The following HLA-DQB1 variants were observed in gnomAD, a reference collection of about 807,000 sequenced individuals.
HLA-DQB1 encodes the protein major histocompatibility complex, class II, DQ beta 1.
HLA-DQB1 carries 13 observed loss-of-function variants against 26.4 expected under a neutral mutation model. The ratio of observed to expected loss-of-function variants is 0.49; its 90% CI spans 0.32 to 0.78. HLA-DQB1 has a LOEUF of 0.78. Among genes scored for constraint, HLA-DQB1 ranks in the 30% least tolerant of loss-of-function variants. The pLI, the probability that HLA-DQB1 is intolerant of heterozygous loss-of-function variation, is 0.03. For missense variants in HLA-DQB1, 158 were observed against 326.2 expected (o/e 0.48, Z 3.97); for synonymous variants, 60 against 129.1 (o/e 0.46, Z 3.63).
At chr6:32,665,180 C>A (rs9274418) in intron 1 of HLA-DQB1, 113 bp from the exon 2 acceptor site, 91,063 of 561,782 alleles carry the variant, frequency 0.16, 16,259 homozygotes, top group South Asian at 0.28. Flanking sequence ...AGTTCCCGCC[C>A]GCCCGTGCCT....
chr6:32,660,965 T>TTAA, intron 4 of HLA-DQB1: 1 of 687,236 alleles, frequency 1.5e-6, no homozygotes, highest in Non-Finnish European at 2.3e-6. Flanking sequence ...CACACATGAC[T>TTAA]TAGAGTTACA....
At position 32,666,539 on chromosome 6, in the gene HLA-DQB1, C is replaced by T. The variant is rs372512148; in HGVS notation, c.69G>A (p.Ala23=). 4.9e-5 allele frequency: 58 copies of T among 1,189,474 alleles called. 1 individual carries two copies. The African/African-American group carries it at 4.9e-4, about 10-fold the overall frequency. The allele number at this position is 1,189,474 out of a possible 1,614,324, so 73.7% of individuals were successfully genotyped here. Reference sequence around the variant, plus strand: ...CCTCAGCCAGTAGGGAGCTCAGCATCGCCAGCATCAAGGTGACAGTTGCTA... The same window carrying T: ...CCTCAGCCAGTAGGGAGCTCAGCATTGCCAGCATCAAGGTGACAGTTGCTA... The change falls in exon 1 of 5, where the codon GCG becomes GCA. Residue 23 remains alanine (A), a synonymous_variant. Transcript: ENST00000434651.
intron 4 of HLA-DQB1, 149 bp from the exon 5 acceptor site, chr6:32,660,398 G>A (rs950140460): frequency 2.3e-6 from 1 of 432,986 alleles, no homozygotes; most frequent in East Asian, 4.5e-5. Flanking sequence ...TCTGTGCAAA[G>A]GTGAAATCAG....
chr6:32,659,970 A>C, exon 5 of HLA-DQB1: 1 of 250,750 alleles, frequency 4.0e-6, no homozygotes. Context: ...AGTCTGAGGA[A>C]AGAATAGAAA....
chr6:32,666,592 C>A (rs1049056), exon 1 of HLA-DQB1: 258,650 of 1,130,568 alleles, frequency 0.23, 59,943 homozygotes, highest in South Asian at 0.26. Context: ...ATCCGCAAAG[C>A]CTTCTTCCAA....
chr6:32,660,911 T>C (rs550819457), intron 4 of HLA-DQB1: 10 of 1,496,488 alleles, frequency 6.7e-6, no homozygotes, highest in Non-Finnish European at 9.0e-6. Context: ...CAGAGAAAGG[T>C]CTCATTACAC....
In HLA-DQB1 at chr6:32,660,043, G is replaced by C. The variant is rs181293540; in HGVS notation, c.*193C>G. 29 of 375,900 alleles carry C rather than the reference G, an allele frequency of 7.7e-5. 2 individuals carry two copies. The highest frequency in any genetic ancestry group is 2.8e-4 in the African/African-American group (13 of 45,952). The allele number at this position is 375,900 out of a possible 1,614,324, so 23.3% of individuals were successfully genotyped here. The stretch of plus-strand genomic sequence containing the variant: ...ATGCACAGGCAGAGGCTCTGGGTCA[G>C]TGCAGGAAGCAGAGTCACAGCCAGC... On this transcript the variant is annotated 3_prime_UTR_variant, in exon 5 of 5. Coordinates refer to ENST00000434651, the Ensembl canonical transcript of HLA-DQB1.
chr6:32,660,008 G>A (rs1764), exon 5 of HLA-DQB1: 10,040 of 306,718 alleles, frequency 0.033, 784 homozygotes, highest in South Asian at 0.1. Flanking sequence ...CTGAGTAGAC[G>A]CAGCTGGCCA....
Position 32,660,494 on chromosome 6 carries a change from C to T in HLA-DQB1, c.773-245G>A, listed in dbSNP as rs904467772. The stretch of plus-strand genomic sequence containing the variant: ...ATTCTTCTGGGGAATATGAAGGGTT[C>T]AGTCTTTTTAGGAAATTGGATGATA... On this transcript the variant is annotated intron_variant, in intron 4 of 4. Coordinates refer to ENST00000434651, the Ensembl canonical transcript of HLA-DQB1. 1.2e-4 allele frequency: 44 copies of T among 360,900 alleles called. 2 individuals are homozygous for T. The highest frequency in any genetic ancestry group is 8.6e-4 in the African/African-American group (40 of 46,602). 22.4% of individuals were successfully genotyped at this position (360,900 alleles called of 1,614,324 possible).
At chr6:32,664,825 C>T (rs751456342) in exon 2 of HLA-DQB1, 3 of 1,097,062 alleles carry the variant, frequency 2.7e-6, no homozygotes, top group Admixed American at 2.3e-5. Flanking sequence ...CCGCGGAACG[C>T]CACCTCGTAG....
At chr6:32,666,522 A>C in exon 1 of HLA-DQB1, 1 of 1,131,330 alleles carries the variant, frequency 8.8e-7, no homozygotes, top group South Asian at 1.4e-5. Context: ...GCCCTCAGCC[A>C]GTAGGGAGCT....
intron 4 of HLA-DQB1, chr6:32,660,808 T>A: frequency 9.8e-7 from 1 of 1,025,140 alleles, no homozygotes; most frequent in Non-Finnish European, 1.4e-6. Flanking sequence ...GCTCATGCTC[T>A]TCCCTCTTAT....
At chr6:32,660,812 C>A in intron 4 of HLA-DQB1, 1 of 1,071,068 alleles carries the variant, frequency 9.3e-7, no homozygotes. Flanking sequence ...ATGCTCTTCC[C>A]TCTTATACCT....
intron 1 of HLA-DQB1, 46 bp from the exon 2 acceptor site, chr6:32,665,113 C>CCAGCTGCG: frequency 2.1e-6 from 2 of 931,890 alleles, no homozygotes; most frequent in South Asian, 1.8e-5. Context: ...GCCCGGCCGC[C>CCAGCTGCG]CCCGCAGCCG....
rs34692792 is a variant in HLA-DQB1, at chr6:32,665,764, A to G, written c.110-697T>C. ...CATATCACAAGTATAATTGTGTAAA[A>G]GAAAATCATGATATCTACACACAGG... On this transcript the variant is annotated intron_variant, in intron 1 of 4. Coordinates refer to ENST00000434651, the Ensembl canonical transcript of HLA-DQB1. Among the ~76,000 whole-genome samples, 2,154 of 133,112 alleles carry G rather than the reference A, an allele frequency of 0.016. 275 individuals are homozygous for G. The South Asian group carries it at 0.18, about 11-fold the overall frequency. The allele number at this position is 133,112 out of a possible 152,430, so 87.3% of individuals were successfully genotyped here.
intron 3 of HLA-DQB1, 119 bp downstream of exon 3, chr6:32,661,848 T>A (rs281864222): frequency 1.2e-6 from 1 of 829,796 alleles, no homozygotes; most frequent in Non-Finnish European, 1.9e-6. Flanking sequence ...AGAGGTGCTC[T>A]AGTCTCCTGT....
chr6:32,666,164 A>T (rs9274498), intron 1 of HLA-DQB1, among the ~76,000 whole-genome samples: 1 of 148,202 alleles, frequency 6.7e-6, no homozygotes, highest in East Asian at 2.0e-4. Context: ...CGCCTAAATG[A>T]CAAATCCTGC....
chr6:32,664,713 A>AG, intron 2 of HLA-DQB1, 85 bp downstream of exon 2: 1 of 465,516 alleles, frequency 2.1e-6, no homozygotes, highest in Non-Finnish European at 3.1e-6. Context: ...CAGATTTCAG[A>AG]GACCTCGCCC....
At chr6:32,662,931 G>A (rs9274196) in intron 2 of HLA-DQB1, 92,993 of 126,062 alleles carry the variant, frequency 0.74, 36,414 homozygotes, top group East Asian at 0.91. Context: ...AGACATTATC[G>A]TGTATGTTCT....
Sources: allele counts gnomAD v4.1 joint callset (sites outside exome capture counted in the v4.1 genomes callset), GRCh38; gene constraint gnomAD v4.1.1; transcripts MANE v1.5; gene names NCBI Gene and HGNC (gene_info 2026-07-23, HGNC 2026-07-21).